SLC24A2: variants seen among roughly 807,000 people sequenced by gnomAD.
The protein encoded by SLC24A2 is solute carrier family 24 member 2.
A neutral mutation model predicts 62.0 loss-of-function variants in SLC24A2; 36 were observed. That is an observed-to-expected ratio of 0.58 (90% CI 0.44 to 0.77). The LOEUF (loss-of-function observed/expected upper bound fraction) is 0.77, where lower values mean the gene tolerates loss of function less well. Among genes scored for constraint, SLC24A2 ranks in the 30% least tolerant of loss-of-function variants. The pLI, the probability that SLC24A2 is intolerant of heterozygous loss-of-function variation, is 0.00. For missense variants in SLC24A2, 846 were observed against 817.9 expected (o/e 1.03, Z -0.42); for synonymous variants, 358 against 294.0 (o/e 1.22, Z -2.23).
the SLC24A2 span, among the ~76,000 whole-genome samples, chr9:19,820,218 T>C: frequency 2.0e-5 from 3 of 149,860 alleles, no homozygotes; most frequent in East Asian, 2.0e-4. Flanking sequence ...CTCACTGATA[T>C]GTGGAAAGCT....
chr9:19,803,196 G>C, the SLC24A2 span, among the ~76,000 whole-genome samples: 1 of 152,176 alleles, frequency 6.6e-6, no homozygotes, highest in Non-Finnish European at 1.5e-5. Context: ...GTTCTGGCTT[G>C]TTAAGAAGAT....
the SLC24A2 span, among the ~76,000 whole-genome samples, chr9:19,883,267 T>C: frequency 2.6e-5 from 4 of 152,186 alleles, no homozygotes; most frequent in East Asian, 1.9e-4. Flanking sequence ...TGGTGACTCA[T>C]TGAAAAGATG....
chr9:20,069,273 T>C, the SLC24A2 span, among the ~76,000 whole-genome samples: 4 of 152,222 alleles, frequency 2.6e-5, no homozygotes, highest in Non-Finnish European at 5.9e-5. Context: ...TTTAAGACAT[T>C]TTTATCAAAT....
At position 19,636,307 on chromosome 9, in the gene SLC24A2, T is replaced by TCC. The variant is rs1446042547; in HGVS notation, c.931-14009_931-14008insGG. 2.0e-3 allele frequency among the ~76,000 whole-genome samples: 75 copies of TCC among 37,936 alleles called. 3 individuals carry two copies. Among genetic ancestry groups the TCC allele is most frequent in the African/African-American group, 8.1e-3 (71 of 8,794 alleles). The allele number at this position is 37,936 out of a possible 152,430, so 24.9% of individuals were successfully genotyped here. A position where few individuals can be genotyped will look rare whatever the true frequency, so the allele number is the denominator to read the frequency against. ...TTCTCTTCTTTTCTTTTCTTTTCTTTTCTTTTCTTTTCTTTCTTTCTTTCT... is the reference window on the plus strand; with the variant it reads ...TTCTCTTCTTTTCTTTTCTTTTCTTTCCTCTTTTCTTTTCTTTCTTTCTTTCT... On this transcript the variant is annotated intron_variant, in intron 2 of 10. Coordinates refer to ENST00000341998, the MANE Select transcript of SLC24A2 (RefSeq NM_020344.4).
At chr9:19,754,609 C>T (rs1822080232) in intron 2 of SLC24A2, among the ~76,000 whole-genome samples, 2 of 151,458 alleles carry the variant, frequency 1.3e-5, no homozygotes, top group Admixed American at 1.3e-4. Flanking sequence ...AGGTTAGAGG[C>T]TGTGTTTCTG....
At chr9:20,041,984 C>T in the SLC24A2 span, among the ~76,000 whole-genome samples, 3 of 152,220 alleles carry the variant, frequency 2.0e-5, no homozygotes, top group African/African-American at 7.2e-5. Context: ...CAGCTACAAG[C>T]GCTACCATGA....
At chr9:20,110,885 A>G in the SLC24A2 span, among the ~76,000 whole-genome samples, 2 of 152,202 alleles carry the variant, frequency 1.3e-5, no homozygotes, top group African/African-American at 4.8e-5. Context: ...AAATTTTAAC[A>G]TCTCTCAAAT....
chr9:19,806,289 T>G, the SLC24A2 span, among the ~76,000 whole-genome samples: 1 of 152,142 alleles, frequency 6.6e-6, no homozygotes, highest in African/African-American at 2.4e-5. Context: ...AAATGTGTGA[T>G]CTTGAGTATA....
intron 8 of SLC24A2, among the ~76,000 whole-genome samples, chr9:19,532,866 T>C (rs981423145): frequency 1.3e-5 from 2 of 152,244 alleles, no homozygotes; most frequent in South Asian, 2.1e-4. Flanking sequence ...TTTTCATATC[T>C]CATTAGATGC....
chr9:19,895,258 T>C, the SLC24A2 span, among the ~76,000 whole-genome samples: 1 of 150,956 alleles, frequency 6.6e-6, no homozygotes, highest in Admixed American at 6.6e-5. Flanking sequence ...TGCTGAGCAA[T>C]TGGGGGCCAA....
intron 2 of SLC24A2, among the ~76,000 whole-genome samples, chr9:19,765,993 C>G (rs1026054126): frequency 2.6e-5 from 4 of 152,040 alleles, no homozygotes; most frequent in Non-Finnish European, 5.9e-5. Flanking sequence ...TTTGTTCATT[C>G]CTTTTCATTC....
At chr9:19,844,870 T>A in the SLC24A2 span, among the ~76,000 whole-genome samples, 2 of 152,116 alleles carry the variant, frequency 1.3e-5, no homozygotes, top group African/African-American at 4.8e-5. Context: ...GTTCCATTGG[T>A]CTATATGTCT....
chr9:19,542,618 T>C (rs1322655673), intron 8 of SLC24A2, among the ~76,000 whole-genome samples: 1 of 152,218 alleles, frequency 6.6e-6, no homozygotes, highest in Non-Finnish European at 1.5e-5. Flanking sequence ...AATCAGTGCC[T>C]ACTTTATTGA....
intron 7 of SLC24A2, among the ~76,000 whole-genome samples, chr9:19,564,903 G>T (rs73648717): frequency 6.6e-6 from 1 of 151,992 alleles, no homozygotes; most frequent in Non-Finnish European, 1.5e-5. Flanking sequence ...AGTGTATGTG[G>T]GCCAAGTGCA....
chr9:19,899,374 A>G, the SLC24A2 span, among the ~76,000 whole-genome samples: 1 of 152,314 alleles, frequency 6.6e-6, no homozygotes, highest in Non-Finnish European at 1.5e-5. Context: ...TCTGGCCAAC[A>G]TGAGTCTTGG....
chr9:20,215,113 T>C, the SLC24A2 span, among the ~76,000 whole-genome samples: 1 of 152,208 alleles, frequency 6.6e-6, no homozygotes, highest in African/African-American at 2.4e-5. Flanking sequence ...TTGGCAGATG[T>C]AGTGTCTGGT....
At chr9:20,284,961 T>C in the SLC24A2 span, among the ~76,000 whole-genome samples, 2 of 152,254 alleles carry the variant, frequency 1.3e-5, no homozygotes, top group African/African-American at 2.4e-5. Context: ...TTTTTTCTTA[T>C]GCCTTTGCAA....
the SLC24A2 span, among the ~76,000 whole-genome samples, chr9:20,258,808 C>CTACCT: frequency 7.1e-6 from 1 of 139,992 alleles, no homozygotes; most frequent in African/African-American, 2.6e-5. Context: ...ATCTATCTAT[C>CTACCT]TATCTACCTT....
chr9:19,764,624 C>G (rs893488532), intron 2 of SLC24A2, among the ~76,000 whole-genome samples: 1 of 152,200 alleles, frequency 6.6e-6, no homozygotes, highest in Non-Finnish European at 1.5e-5. Context: ...GAGTGAGTTT[C>G]TTTATCCTGA....
Sources: gnomAD v4.1 joint callset for allele counts (sites outside exome capture counted in the v4.1 genomes callset) on GRCh38, gnomAD v4.1.1 for gene constraint, MANE v1.5 for transcripts, NCBI Gene and HGNC (gene_info 2026-07-23, HGNC 2026-07-21) for gene names.